Variants in SMIM7 observed in about 807,000 individuals in gnomAD.
SMIM7 encodes the protein small integral membrane protein 7.
Under a neutral mutation model 13.3 loss-of-function variants are expected in SMIM7, and 12 were observed. That is an observed-to-expected ratio of 0.90 (90% CI 0.58 to 1.46). The LOEUF is 1.46. Among genes scored for constraint, SMIM7 ranks in the 40% most tolerant of loss-of-function variants. The probability of loss-of-function intolerance (pLI) is 0.00; values close to 1 mark genes in which losing one functional copy is unlikely to be tolerated. For synonymous variants in SMIM7, 36 were observed against 35.8 expected (o/e 1.01, Z -0.02); for missense variants, 114 against 94.8 (o/e 1.20, Z -0.84).
At chr19:16,635,899 A>AAAAAAAAAAATATATAT (rs1200181092) in intron 4 of SMIM7, among the ~76,000 whole-genome samples, 2 of 109,600 alleles carry the variant, frequency 1.8e-5, no homozygotes, top group African/African-American at 8.7e-5. Context: ...AAAAAAAAAA[A>AAAAAAAAAAATATATAT]ATATATATAT....
intron 3 of SMIM7, among the ~76,000 whole-genome samples, chr19:16,655,683 A>AAAAAAAC (rs2086588820): frequency 6.7e-6 from 1 of 148,840 alleles, no homozygotes; most frequent in African/African-American, 2.5e-5. Context: ...TCCATCTCAA[A>AAAAAAAC]AAAAAAAAAA....
chr19:16,657,606 G>C (rs2086612923), intron 3 of SMIM7, among the ~76,000 whole-genome samples: 1 of 152,190 alleles, frequency 6.6e-6, no homozygotes, highest in Admixed American at 6.5e-5. Flanking sequence ...TCAGTTTCCT[G>C]ATCTGTAAAA....
At chr19:16,644,118 G>GTTTTTTTTTTTTTTT (rs557600997), downstream of SMIM7, among the ~76,000 whole-genome samples, 1 of 85,428 alleles carries the variant, frequency 1.2e-5, no homozygotes, top group Non-Finnish European at 2.2e-5. Context: ...AATTGTTTGC[G>GTTTTTTTTTTTTTTT]TTTTTTTTTT....
rs1401349493 is a variant in SMIM7 at position 16,649,928 on chromosome 19, C to G, written c.213-2667G>C. 4.0e-5 allele frequency among the ~76,000 whole-genome samples: 6 copies of G among 149,218 alleles called. No individual in the cohort carries two copies. The East Asian group carries it at 5.8e-4, about 14-fold the overall frequency. ...AAACTGTCCACATGAGGCAAATCCA[C>G]AGAGACAGGAAGCCGACGAGTGGTT... On this transcript the variant is annotated intron_variant, in intron 4 of 4. Transcript: ENST00000487416.
At chr19:16,655,255 C>A (rs2086581555) in intron 3 of SMIM7, 8 of 451,260 alleles carry the variant, frequency 1.8e-5, no homozygotes, top group Non-Finnish European at 2.7e-5. Context: ...CCCTTGAATG[C>A]CAAGGAACAG....
chr19:16,649,404 C>T (rs1261392491), intron 4 of SMIM7, among the ~76,000 whole-genome samples: 3 of 151,954 alleles, frequency 2.0e-5, no homozygotes, highest in East Asian at 1.9e-4. Context: ...GGTGAAACCC[C>T]GTCTCTACTA....
intron 3 of SMIM7, among the ~76,000 whole-genome samples, chr19:16,656,222 T>A (rs1281562602): frequency 1.3e-5 from 2 of 151,866 alleles, no homozygotes; most frequent in South Asian, 2.1e-4. Flanking sequence ...CACGTTTCTA[T>A]TAAAACTACA....
chr19:16,633,465 GA>G (rs869067591), intron 4 of SMIM7, among the ~76,000 whole-genome samples: 5,534 of 87,840 alleles, frequency 0.063, 132 homozygotes, highest in African/African-American at 0.11. Flanking sequence ...CAAAAAAAAA[GA>G]AAAAAAAAAA....
intron 3 of SMIM7, among the ~76,000 whole-genome samples, chr19:16,655,584 G>C (rs781259589): frequency 6.6e-6 from 1 of 151,048 alleles, no homozygotes; most frequent in Non-Finnish European, 1.5e-5. Flanking sequence ...AGGAGGCTGA[G>C]GCAGGAGAAT....
chr19:16,657,944 A>AGGATCTCTT (rs1188587279), intron 3 of SMIM7, among the ~76,000 whole-genome samples: 1 of 152,216 alleles, frequency 6.6e-6, no homozygotes, highest in Non-Finnish European at 1.5e-5. Flanking sequence ...CTGAGGCAAG[A>AGGATCTCTT]GGATCTCTTG....
chr19:16,644,178 T>C (rs547641200), downstream of SMIM7, among the ~76,000 whole-genome samples: 2 of 137,120 alleles, frequency 1.5e-5, no homozygotes, highest in East Asian at 2.4e-4. Context: ...TGGAGTGCAA[T>C]GGCGCGATCT....
At chr19:16,637,295 C>G (rs1391916492) in intron 4 of SMIM7, among the ~76,000 whole-genome samples, 1 of 151,880 alleles carries the variant, frequency 6.6e-6, no homozygotes, top group Admixed American at 6.6e-5. Context: ...GCAGGAGGAT[C>G]ACTTGAGCCC....
chr19:16,640,422 A>T (rs2086396404), intron 4 of SMIM7: 1 of 152,230 alleles, frequency 6.6e-6, no homozygotes, highest in Non-Finnish European at 1.5e-5. Context: ...GGAAAACATC[A>T]GGAGGCCTGT....
rs2086456924 is a variant in SMIM7 at position 16,647,015 on chromosome 19, T to C, written c.*231A>G. On this transcript the variant is annotated 3_prime_UTR_variant, in exon 5 of 5. Transcript: ENST00000487416. ...CTTACATAAACGCTCCTGAAACCCT[T>C]TCAGTAGACAGCATTTCAATTCAGA... The C allele has an allele frequency of 1.6e-6, 1 of 608,040 alleles. No homozygotes were observed. The highest frequency in any genetic ancestry group is 1.9e-5 in the African/African-American group (1 of 54,032). The allele number at this position is 608,040 out of a possible 1,614,324, so 37.7% of individuals were successfully genotyped here.
Position 16,659,972 on chromosome 19 carries a change from G to C in SMIM7, c.55C>G (p.Leu19Val), listed in dbSNP as rs1380926886. 1 of 1,613,154 alleles carries C rather than the reference G, an allele frequency of 6.2e-7. No individual in the cohort carries two copies. Among genetic ancestry groups the C allele is most frequent in the Admixed American group, 1.7e-5 (1 of 59,820 alleles). Residue 19 changes from leucine (L) to valine (V), a missense_variant, in exon 2 of 5, where the codon CTG (leucine) becomes GTG (valine). Coordinates refer to ENST00000487416, the MANE Select transcript of SMIM7 (RefSeq NM_024104.4). ...GTLLMNAGAV[L>V]NFKLKKKDTQ... ...CGACCTACTCACAGCTTAAAGTTCA[G>C]CACCGCCCCGGCATTCATCAGCAAC...
intron 3 of SMIM7, among the ~76,000 whole-genome samples, chr19:16,654,453 T>A (rs991515135): frequency 6.6e-6 from 1 of 152,190 alleles, no homozygotes; most frequent in Non-Finnish European, 1.5e-5. Context: ...CTTACTGAGC[T>A]GGGAAGATGT....
At chr19:16,652,138 T>C (rs889493745) in intron 4 of SMIM7, among the ~76,000 whole-genome samples, 1 of 152,256 alleles carries the variant, frequency 6.6e-6, no homozygotes, top group African/African-American at 2.4e-5. Context: ...TGCCACTTCC[T>C]GTGCCACCAT....
At chr19:16,633,285 T>C (rs1188792158) in intron 4 of SMIM7, among the ~76,000 whole-genome samples, 1 of 151,640 alleles carries the variant, frequency 6.6e-6, no homozygotes, top group Non-Finnish European at 1.5e-5. Flanking sequence ...GATGAAACCC[T>C]GTCTCTACTA....
At chr19:16,651,179 C>A (rs996475261) in intron 4 of SMIM7, among the ~76,000 whole-genome samples, 2 of 152,176 alleles carry the variant, frequency 1.3e-5, no homozygotes, top group East Asian at 3.8e-4. Flanking sequence ...TCACCCATGG[C>A]CCCCAGTGAA....
Sources: gnomAD v4.1 joint callset for allele counts (sites outside exome capture counted in the v4.1 genomes callset) on GRCh38, gnomAD v4.1.1 for gene constraint, MANE v1.5 for transcripts, NCBI Gene and HGNC (gene_info 2026-07-23, HGNC 2026-07-21) for gene names.